Variants in BCAS3 observed in about 807,000 individuals in gnomAD.
BCAS3 encodes BCAS3 microtubule associated cell migration factor.
In BCAS3, 53 loss-of-function variants were observed where a neutral mutation model predicts 116.1. That is an observed-to-expected ratio of 0.46 (90% confidence interval 0.37 to 0.57). BCAS3 has a LOEUF of 0.57. Among genes scored for constraint, BCAS3 ranks in the 20% least tolerant of loss-of-function variants. The pLI, the probability that BCAS3 is intolerant of heterozygous loss-of-function variation, is 0.00. For synonymous variants in BCAS3, 391 were observed against 408.2 expected, an observed-to-expected ratio of 0.96 and a Z score of 0.51; for missense variants, 917 against 1,165.4, an observed-to-expected ratio of 0.79 and a Z score of 3.10.
At chr17:60,955,386 A>ATTTTTTTTTTTTTTTTTTTTTTTT (rs1016334366) in intron 14 of BCAS3, among the ~76,000 whole-genome samples, 17 of 128,084 alleles carry the variant, frequency 1.3e-4, no homozygotes, top group African/African-American at 5.7e-4. Context: ...GGGAAACTGA[A>ATTTTTTTTTTTTTTTTTTTTTTTT]TTTTTTTTTT....
At chr17:60,766,589 G>C (rs2044119695) in intron 6 of BCAS3, among the ~76,000 whole-genome samples, 1 of 152,092 alleles carries the variant, frequency 6.6e-6, no homozygotes, top group Admixed American at 6.6e-5. Flanking sequence ...GGGGCACCCG[G>C]CTGTATGAGG....
intron 22 of BCAS3, among the ~76,000 whole-genome samples, chr17:61,336,019 A>G (rs1200017087): frequency 6.6e-6 from 1 of 152,184 alleles, no homozygotes; most frequent in African/African-American, 2.4e-5. Flanking sequence ...CCCCCTTTCC[A>G]TACTTTTCAG....
At chr17:60,952,311 A>G (rs1338522040) in intron 14 of BCAS3, among the ~76,000 whole-genome samples, 6 of 151,480 alleles carry the variant, frequency 4.0e-5, no homozygotes, top group Admixed American at 3.9e-4. Context: ...TTTAAAAATT[A>G]TTTTTAAACT....
chr17:61,383,931 T>C (rs1225183912), intron 23 of BCAS3: 1 of 137,956 alleles, frequency 7.2e-6, no homozygotes, highest in Non-Finnish European at 1.6e-5. Flanking sequence ...GGGAGACCCC[T>C]TCCTGGGAAC....
In BCAS3 at chr17:61,321,516, G is replaced by A. The variant is rs573658796; in HGVS notation, c.2426-46811G>A. Among the ~76,000 whole-genome samples, 36 of 152,292 alleles carry A rather than the reference G, an allele frequency of 2.4e-4. No individual in the cohort carries two copies. The South Asian group carries it at 6.8e-3, about 29-fold the overall frequency. On this transcript the variant is annotated intron_variant, in intron 22 of 23. Coordinates refer to ENST00000407086, the MANE Select transcript of BCAS3 (RefSeq NM_017679.5). The stretch of plus-strand genomic sequence containing the variant: ...CCTCAAGAAGAGGCCATTTGATGTC[G>A]GGCGGTAAGAGGCTGTGGTCAGGAA...
chr17:60,696,981 G>C (rs112587486), intron 4 of BCAS3, among the ~76,000 whole-genome samples: 1 of 150,838 alleles, frequency 6.6e-6, no homozygotes, highest in African/African-American at 2.4e-5. Flanking sequence ...GAGCCCAGGA[G>C]TTCAAGACCA....
intron 22 of BCAS3, among the ~76,000 whole-genome samples, chr17:61,160,840 G>T (rs759358658): frequency 2.6e-5 from 4 of 152,152 alleles, no homozygotes; most frequent in Non-Finnish European, 4.4e-5. Flanking sequence ...TCCTGCAGCT[G>T]ATATAAATGC....
intron 18 of BCAS3, among the ~76,000 whole-genome samples, chr17:61,038,677 T>G (rs926497337): frequency 4.1e-5 from 6 of 145,418 alleles, no homozygotes; most frequent in Non-Finnish European, 7.6e-5. Context: ...TGTTTTTTTT[T>G]TTTTTTTTTT....
At chr17:61,372,577 G>A (rs752492615) in intron 23 of BCAS3, among the ~76,000 whole-genome samples, 9 of 151,950 alleles carry the variant, frequency 5.9e-5, no homozygotes, top group Non-Finnish European at 1.2e-4. Flanking sequence ...TCCCCATCCC[G>A]GTGTCCAAAG....
At chr17:61,359,465 G>C (rs1020299211) in intron 22 of BCAS3, among the ~76,000 whole-genome samples, 1 of 150,076 alleles carries the variant, frequency 6.7e-6, no homozygotes, top group African/African-American at 2.4e-5. Flanking sequence ...AAAAAAAAAA[G>C]CTCATTGGTT....
Position 61,388,986 on chromosome 17 carries a change from ATT to A in BCAS3, c.2594-2990_2594-2989del. ...CATTCATTCATTCATTCATTCATTC[ATT>A]CATTCATTCATTCATGCTAGAAATG... On this transcript the variant is annotated intron_variant, in intron 23 of 23. Transcript: ENST00000407086. This position sits in a 1 kb window ranked among gnomAD's most constrained non-coding sequence, Gnocchi z 6.5. The A allele has an allele frequency of 2.4e-6, 1 of 409,084 alleles. No homozygotes were observed. Among genetic ancestry groups the A allele is most frequent in the South Asian group, 3.6e-5 (1 of 27,544 alleles). The allele number at this position is 409,084 out of a possible 1,614,324, so 25.3% of individuals were successfully genotyped here.
intron 17 of BCAS3, chr17:61,036,375 G>C (rs2067031561): frequency 6.6e-6 from 1 of 152,172 alleles, no homozygotes; most frequent in African/African-American, 2.4e-5. Flanking sequence ...ACGCGCAGCA[G>C]GTTCCTTACC....
intron 7 of BCAS3, among the ~76,000 whole-genome samples, chr17:60,818,676 G>A (rs1175919168): frequency 1.3e-5 from 2 of 152,130 alleles, no homozygotes; most frequent in African/African-American, 4.8e-5. Context: ...TCTTCCAGCA[G>A]TTCCTTGGCA....
intron 9 of BCAS3, among the ~76,000 whole-genome samples, chr17:60,887,743 C>A (rs1287673885): frequency 1.3e-5 from 2 of 152,174 alleles, no homozygotes; most frequent in African/African-American, 2.4e-5. Flanking sequence ...CAAAGTATCA[C>A]AGAGAGCAGT....
rs1243825826 is a variant in BCAS3 at position 61,199,961 on chromosome 17, C to T, written c.2425+115397C>T. On this transcript the variant is annotated intron_variant, in intron 22 of 23. Transcript: ENST00000407086. This position sits in a 1 kb window ranked among gnomAD's most constrained non-coding sequence, Gnocchi z 4.6. ...TTCTTTAGTTTTTGCCTACTTCCTC[C>T]ACAACATTCAAGCCTTGTTATATAA... is the stretch of plus-strand genomic sequence containing the variant. 1.3e-5 allele frequency among the ~76,000 whole-genome samples: 2 copies of T among 152,120 alleles called. No individual in the cohort carries two copies. The highest frequency in any genetic ancestry group is 2.4e-5 in the African/African-American group (1 of 41,434).
At position 61,186,943 on chromosome 17, in the gene BCAS3, C is replaced by T. The variant is rs1343817190; in HGVS notation, c.2425+102379C>T. On this transcript the variant is annotated intron_variant, in intron 22 of 23. Coordinates refer to ENST00000407086, the MANE Select transcript of BCAS3 (RefSeq NM_017679.5). This position sits in a 1 kb window ranked among gnomAD's most constrained non-coding sequence, Gnocchi z 4.9. The stretch of plus-strand genomic sequence containing the variant: ...GCCAGGATGGTCTCGATCTCCTGAC[C>T]TCGTGATCCACCCACCTCGGCCTCC... Among the ~76,000 whole-genome samples the T allele has an allele frequency of 1.3e-5, 2 of 152,198 alleles. No homozygotes were observed. The highest frequency in any genetic ancestry group is 4.8e-5 in the African/African-American group (2 of 41,438).
chr17:60,685,393 T>C (rs1302207481), intron 3 of BCAS3, among the ~76,000 whole-genome samples: 1 of 141,526 alleles, frequency 7.1e-6, no homozygotes, highest in Non-Finnish European at 1.5e-5. Flanking sequence ...GAGGTTGCAG[T>C]GAGCTGAGAT....
At chr17:60,704,578 C>A (rs570463304) in intron 4 of BCAS3, among the ~76,000 whole-genome samples, 1 of 152,064 alleles carries the variant, frequency 6.6e-6, no homozygotes, top group Non-Finnish European at 1.5e-5. Flanking sequence ...CAGTGCTTCA[C>A]GCCTGTAATC....
At chr17:61,295,686 C>T (rs1470596578) in intron 22 of BCAS3, among the ~76,000 whole-genome samples, 19 of 151,992 alleles carry the variant, frequency 1.3e-4, no homozygotes, top group Admixed American at 1.2e-3. Flanking sequence ...GGCGCGGTGG[C>T]TCATGCCTGT....
Sources: gnomAD v4.1 joint callset for allele counts (sites outside exome capture counted in the v4.1 genomes callset) on GRCh38, gnomAD v4.1.1 for gene constraint, Gnocchi (gnomAD v3.1) non-coding constraint, MANE v1.5 for transcripts, NCBI Gene and HGNC (gene_info 2026-07-23, HGNC 2026-07-21) for gene names.